Variants in RAB40C observed in about 807,000 individuals in gnomAD.
RAB40C encodes RAB40C, member RAS oncogene family.
RAB40C carries 8 observed loss-of-function variants against 28.1 expected under a neutral mutation model. The ratio of observed to expected loss-of-function variants is 0.28; its 90% CI spans 0.17 to 0.51. RAB40C has a LOEUF of 0.51. RAB40C is among the 20% of genes least tolerant of loss of function. The pLI is 0.97. For missense variants in RAB40C, 288 were observed against 405.9 expected (o/e 0.71, Z 2.50); for synonymous variants, 201 against 171.7 (o/e 1.17, Z -1.34).
intron 3 of RAB40C, among the ~76,000 whole-genome samples, chr16:618,828 C>A (rs1393335393): frequency 8.0e-6 from 1 of 125,184 alleles, no homozygotes. Context: ...GTAGTGGGTG[C>A]ACTCGGCCAT....
chr16:620,342 G>A (rs1052474848), intron 3 of RAB40C, among the ~76,000 whole-genome samples: 1 of 147,772 alleles, frequency 6.8e-6, no homozygotes, highest in Non-Finnish European at 1.5e-5. Flanking sequence ...GCAGTGAGCC[G>A]AGATTGTGCC....
intron 1 of RAB40C, among the ~76,000 whole-genome samples, chr16:608,607 C>T (rs764437907): frequency 1.3e-5 from 2 of 152,192 alleles, no homozygotes; most frequent in Non-Finnish European, 2.9e-5. Flanking sequence ...TGGTGGCTCA[C>T]GCCTGTAATC....
chr16:608,190 G>A (rs2036404464), intron 1 of RAB40C, among the ~76,000 whole-genome samples: 1 of 152,190 alleles, frequency 6.6e-6, no homozygotes, highest in Non-Finnish European at 1.5e-5. Context: ...CTCACACAGG[G>A]CAGCTCCAGA....
chr16:621,906 G>C (rs56980831), intron 3 of RAB40C, among the ~76,000 whole-genome samples: 3 of 152,272 alleles, frequency 2.0e-5, no homozygotes, highest in Admixed American at 2.0e-4. Flanking sequence ...CTGGCTTGTC[G>C]GCACACAGGT....
At position 590,404 on chromosome 16, in the gene RAB40C, C is replaced by T; in HGVS notation, c.113C>T (p.Ala38Val). ...GEILESLQDG[A>V]AESPYAYSNG... is the part of the protein sequence containing the mutation. ...ATCCTGGAGAGCCTGCAGGACGGCG[C>T]GGCAGAGTCCCCGTACGCCTACAGT... Residue 38 changes from alanine (A) to valine (V), a missense_variant, in exon 1 of 6, where the codon GCG (alanine) becomes GTG (valine). Transcript: ENST00000248139. 3 of 1,592,722 alleles carry T rather than the reference C, an allele frequency of 1.9e-6. No homozygotes were observed. The highest frequency in any genetic ancestry group is 2.6e-6 in the Non-Finnish European group (3 of 1,171,622).
At chr16:622,649 G>T (rs1389683494) in intron 3 of RAB40C, among the ~76,000 whole-genome samples, 1 of 152,140 alleles carries the variant, frequency 6.6e-6, no homozygotes, top group African/African-American at 2.4e-5. Context: ...CTAGAACTAG[G>T]TGTGCACCAC....
At chr16:624,768 C>T (rs2036791995) in intron 3 of RAB40C, 1 of 985,296 alleles carries the variant, frequency 1.0e-6, no homozygotes, top group Non-Finnish European at 1.2e-6. Context: ...TGTGATGTCA[C>T]CGTTTCGCCC....
chr16:620,962 CTGCA>C (rs1166127400), intron 3 of RAB40C, among the ~76,000 whole-genome samples: 3 of 152,260 alleles, frequency 2.0e-5, no homozygotes, highest in Non-Finnish European at 4.4e-5. Flanking sequence ...TTCATAAGCT[CTGCA>C]TTTGCCAGGC....
intron 1 of RAB40C, among the ~76,000 whole-genome samples, chr16:611,458 G>GGACCAAAAT (rs1178631435): frequency 6.6e-6 from 1 of 152,252 alleles, no homozygotes; most frequent in Non-Finnish European, 1.5e-5. Context: ...TCAACAGCCA[G>GGACCAAAAT]GACCAAAATG....
At chr16:626,424 C>A (rs141913010) in intron 5 of RAB40C, among the ~76,000 whole-genome samples, 1 of 152,244 alleles carries the variant, frequency 6.6e-6, no homozygotes, top group East Asian at 1.9e-4. Flanking sequence ...GTGCTCGCTC[C>A]TTCCTGGTTC....
At chr16:625,276 G>A (rs1415637715) in intron 3 of RAB40C, 156 bp from the exon 4 acceptor site, 22 of 1,454,782 alleles carry the variant, frequency 1.5e-5, no homozygotes, top group Non-Finnish European at 1.9e-5. Context: ...GGCTGCACCA[G>A]CTCTGCCTGG....
chr16:615,731 G>A (rs2036572727), intron 1 of RAB40C, among the ~76,000 whole-genome samples: 2 of 152,214 alleles, frequency 1.3e-5, no homozygotes, highest in Admixed American at 1.3e-4. Context: ...GGAGGCCAAG[G>A]CGGGCGAATC....
chr16:626,790 T>G (rs917105296), intron 5 of RAB40C, among the ~76,000 whole-genome samples: 14 of 151,984 alleles, frequency 9.2e-5, no homozygotes, highest in African/African-American at 3.4e-4. Flanking sequence ...ATACAAAAAT[T>G]AACCGGGCGT....
chr16:608,024 C>T (rs369801150), intron 1 of RAB40C, among the ~76,000 whole-genome samples: 60 of 152,128 alleles, frequency 3.9e-4, no homozygotes, highest in African/African-American at 1.2e-3. Context: ...CCACACGTTC[C>T]TGGGCAGCCT....
At chr16:614,889 G>A (rs1023859796) in intron 1 of RAB40C, among the ~76,000 whole-genome samples, 1 of 152,090 alleles carries the variant, frequency 6.6e-6, no homozygotes, top group Non-Finnish European at 1.5e-5. Flanking sequence ...ACTTTACCTC[G>A]TCCCGATAGT....
At chr16:614,874 G>C (rs1012413041) in intron 1 of RAB40C, among the ~76,000 whole-genome samples, 1 of 152,146 alleles carries the variant, frequency 6.6e-6, no homozygotes, top group Non-Finnish European at 1.5e-5. Flanking sequence ...ATGGTGAACT[G>C]CCAAACTTTA....
chr16:603,639 T>A (rs2036299450), intron 1 of RAB40C, among the ~76,000 whole-genome samples: 1 of 152,182 alleles, frequency 6.6e-6, no homozygotes, highest in Non-Finnish European at 1.5e-5. Flanking sequence ...TGATGTCTAT[T>A]TAATAAATGT....
intron 1 of RAB40C, among the ~76,000 whole-genome samples, chr16:593,556 G>T (rs1596395713): frequency 6.6e-6 from 1 of 152,224 alleles, no homozygotes. Context: ...AGCTCACACC[G>T]GATCGCTTAC....
chr16:622,701 T>A (rs2036745368), intron 3 of RAB40C, among the ~76,000 whole-genome samples: 1 of 152,218 alleles, frequency 6.6e-6, no homozygotes. Flanking sequence ...AGACGGGGTT[T>A]CACCATGTTG....
Sources: allele counts gnomAD v4.1 joint callset (sites outside exome capture counted in the v4.1 genomes callset), GRCh38; gene constraint gnomAD v4.1.1; transcripts MANE v1.5; gene names NCBI Gene and HGNC (gene_info 2026-07-23, HGNC 2026-07-21).